The following SEC63 variants were observed in gnomAD, a reference collection of about 807,000 sequenced individuals.
SEC63 encodes SEC63 protein translocation regulator, also known as translocation protein SEC63 homolog.
A neutral mutation model predicts 116.2 loss-of-function variants in SEC63; 56 were observed. The ratio of observed to expected loss-of-function variants is 0.48; its 90% confidence interval spans 0.39 to 0.60. The LOEUF (loss-of-function observed/expected upper bound fraction) is 0.60, where lower values mean the gene tolerates loss of function less well. Among genes scored for constraint, SEC63 ranks in the 20% least tolerant of loss-of-function variants. SEC63 has a pLI of 0.00. For missense variants in SEC63, 668 were observed against 900.0 expected (o/e 0.74, Z 3.30); for synonymous variants, 273 against 294.6 (o/e 0.93, Z 0.75).
chr6:107,904,568 G>A lies in SEC63; in HGVS notation c.1054+61C>T, dbSNP rs1380126732. ...GTACCCATAAATCCTAAAATATGAAGTACAATCTGCATATGCTTGCAAGAA... is the reference window on the plus strand; with the variant it reads ...GTACCCATAAATCCTAAAATATGAAATACAATCTGCATATGCTTGCAAGAA... On this transcript the variant is annotated intron_variant, in intron 11 of 20. Transcript: ENST00000369002. The A allele has an allele frequency of 9.9e-6, 13 of 1,316,960 alleles. No individual in the cohort carries two copies. In the African/African-American group the frequency reaches 1.9e-4, roughly 19 times the overall value. 81.6% of individuals were successfully genotyped at this position (1,316,960 alleles called of 1,614,324 possible).
chr6:107,919,674 T>G (rs1342497181), intron 4 of SEC63, among the ~76,000 whole-genome samples: 1 of 151,764 alleles, frequency 6.6e-6, no homozygotes, highest in Admixed American at 6.6e-5. Context: ...TATTAAAAAT[T>G]AGCCGGGCAT....
chr6:107,894,699 A>G (rs932156598), intron 14 of SEC63, among the ~76,000 whole-genome samples: 2 of 152,158 alleles, frequency 1.3e-5, no homozygotes, highest in African/African-American at 2.4e-5. Context: ...GTAAAAAGTT[A>G]TAATTTTTAG....
At chr6:107,873,826 A>G (rs1786190609) in intron 19 of SEC63, among the ~76,000 whole-genome samples, 1 of 152,208 alleles carries the variant, frequency 6.6e-6, no homozygotes, top group African/African-American at 2.4e-5. Flanking sequence ...TTAAGACTCA[A>G]CAAAAGTGAA....
At chr6:107,877,877 T>C (rs189207305) in intron 18 of SEC63, among the ~76,000 whole-genome samples, 1 of 152,310 alleles carries the variant, frequency 6.6e-6, no homozygotes, top group Admixed American at 6.5e-5. Flanking sequence ...GATAAAGCAC[T>C]GCAACATTAA....
intron 19 of SEC63, among the ~76,000 whole-genome samples, chr6:107,874,365 C>A (rs770300747): frequency 1.1e-4 from 17 of 152,014 alleles, no homozygotes; most frequent in Admixed American, 2.6e-4. Flanking sequence ...GAGGCCAAGG[C>A]GGGCGGATCA....
intron 16 of SEC63, among the ~76,000 whole-genome samples, chr6:107,891,063 C>G (rs1367125904): frequency 6.6e-6 from 1 of 152,088 alleles, no homozygotes; most frequent in African/African-American, 2.4e-5. Flanking sequence ...TTGCTCTTCT[C>G]GAGGAATATC....
At chr6:107,877,159 G>C (rs2744209) in intron 18 of SEC63, 149,915 of 153,460 alleles carry the variant, frequency 0.98, 73,268 homozygotes, top group African/African-American at 0.99. Flanking sequence ...CTGAAAGCAC[G>C]AAACCTCCGT....
chr6:107,908,193 A>G (rs530040584), intron 8 of SEC63, among the ~76,000 whole-genome samples: 258 of 152,278 alleles, frequency 1.7e-3, no homozygotes, highest in Non-Finnish European at 2.9e-3. Flanking sequence ...CAAAACTTAC[A>G]TTCTTTTATT....
chr6:107,942,730 C>T (rs904697500), intron 1 of SEC63, among the ~76,000 whole-genome samples: 2 of 152,060 alleles, frequency 1.3e-5, no homozygotes, highest in Non-Finnish European at 2.9e-5. Context: ...TTATGGATAA[C>T]ATACACAGTT....
intron 1 of SEC63, among the ~76,000 whole-genome samples, chr6:107,937,168 GC>G (rs1423500222): frequency 1.5e-5 from 2 of 131,300 alleles, no homozygotes; most frequent in East Asian, 4.3e-4. Flanking sequence ...TGTTGCCCAG[GC>G]TGGAGTGCAA....
chr6:107,882,082 T>C (rs1215551268), intron 17 of SEC63, among the ~76,000 whole-genome samples: 1 of 152,202 alleles, frequency 6.6e-6, no homozygotes, highest in Non-Finnish European at 1.5e-5. Context: ...ATTCTCCAAG[T>C]ACAAAAACAG....
chr6:107,883,232 T>C, intron 16 of SEC63, 86 bp from the exon 17 acceptor site: 1 of 1,528,600 alleles, frequency 6.5e-7, no homozygotes. Context: ...TTATTGTCAA[T>C]TTAACTAAAC....
intron 13 of SEC63, among the ~76,000 whole-genome samples, chr6:107,900,459 T>C (rs1786974322): frequency 6.6e-6 from 1 of 151,946 alleles, no homozygotes; most frequent in South Asian, 2.1e-4. Flanking sequence ...CTGGGCAACA[T>C]GGTGAAACGC....
intron 8 of SEC63, 124 bp downstream of exon 8, chr6:107,908,802 TA>T: frequency 1.7e-6 from 1 of 575,480 alleles, no homozygotes; most frequent in Non-Finnish European, 3.1e-6. Flanking sequence ...TTTAATTATA[TA>T]AATTAACTAT....
chr6:107,931,334 C>T lies in SEC63; in HGVS notation c.125-1820G>A, dbSNP rs200894051. On this transcript the variant is annotated intron_variant, in intron 1 of 20. Transcript: ENST00000369002. Reference sequence around the variant, plus strand: ...TCCAGCCTGGGAAACAAGAATGAAACTCCATCTCAACAACAACAAAAAAAG... The same window carrying T: ...TCCAGCCTGGGAAACAAGAATGAAATTCCATCTCAACAACAACAAAAAAAG... Among the ~76,000 whole-genome samples the T allele has an allele frequency of 2.6e-5, 4 of 151,192 alleles. No individual in the cohort carries two copies. In the East Asian group the frequency reaches 7.9e-4, roughly 30 times the overall value.
At position 107,941,768 on chromosome 6, in the gene SEC63, G is replaced by A. The variant is rs1263325731; in HGVS notation, c.125-12254C>T. Among the ~76,000 whole-genome samples the A allele has an allele frequency of 2.6e-5, 4 of 152,354 alleles. No individual in the cohort carries two copies. In the East Asian group the frequency reaches 5.8e-4, roughly 22 times the overall value. On this transcript the variant is annotated intron_variant, in intron 1 of 20. Transcript: ENST00000369002. ...ATGAGCTTCACTCAATTAGAGGGCTGCCCTGCTGCTTCAATCAGGGCCTGT... is the reference window on the plus strand; with the variant it reads ...ATGAGCTTCACTCAATTAGAGGGCTACCCTGCTGCTTCAATCAGGGCCTGT...
At chr6:107,882,945 T>G (rs1436510402) in intron 17 of SEC63, 43 bp downstream of exon 17, 1 of 1,295,442 alleles carries the variant, frequency 7.7e-7, no homozygotes, top group South Asian at 1.2e-5. Flanking sequence ...TCATCAGAGA[T>G]ATAATTCCAA....
At chr6:107,897,320 A>C (rs1454363714) in intron 14 of SEC63, among the ~76,000 whole-genome samples, 1 of 152,334 alleles carries the variant, frequency 6.6e-6, no homozygotes, top group Admixed American at 6.5e-5. Context: ...TTCTCTATAG[A>C]ACTGACTAAA....
At chr6:107,944,046 T>A (rs137933017) in intron 1 of SEC63, among the ~76,000 whole-genome samples, 71 of 152,282 alleles carry the variant, frequency 4.7e-4, no homozygotes, top group African/African-American at 1.5e-3. Context: ...GGTGGAGTGA[T>A]GAGAAATGGT....
Sources: gnomAD v4.1 joint callset for allele counts (sites outside exome capture counted in the v4.1 genomes callset) on GRCh38, gnomAD v4.1.1 for gene constraint, MANE v1.5 for transcripts, NCBI Gene and HGNC (gene_info 2026-07-23, HGNC 2026-07-21) for gene names.